ATP2C2: variants seen among roughly 807,000 people sequenced by gnomAD.
ATP2C2 encodes the protein ATPase secretory pathway Ca2+ transporting 2.
A neutral mutation model predicts 110.8 loss-of-function variants in ATP2C2; 171 were observed. That is an observed-to-expected ratio of 1.54 (90% confidence interval 1.36 to 1.75). ATP2C2 has a LOEUF of 1.75. Among genes scored for constraint, ATP2C2 ranks in the 40% most tolerant of loss-of-function variants. The pLI, the probability that ATP2C2 is intolerant of heterozygous loss-of-function variation, is 0.00. For missense variants in ATP2C2, 1,963 were observed against 1,235.0 expected (o/e 1.59, Z -8.84); for synonymous variants, 804 against 508.4 (o/e 1.58, Z -7.82).
chr16:84,430,625 G>A (rs1482603112), intron 11 of ATP2C2, among the ~76,000 whole-genome samples: 1 of 130,570 alleles, frequency 7.7e-6, no homozygotes, highest in African/African-American at 2.9e-5. Flanking sequence ...GGGCAGCAGA[G>A]TGAGACACCA....
rs569730457 is a variant in ATP2C2 at position 84,396,475 on chromosome 16, G to A, written c.100-2024G>A. Among the ~76,000 whole-genome samples, 281 of 150,476 alleles carry A rather than the reference G, an allele frequency of 1.9e-3. 5 individuals carry two copies. Among genetic ancestry groups the A allele is most frequent in the African/African-American group, 6.5e-3 (264 of 40,508 alleles). On this transcript the variant is annotated intron_variant, in intron 1 of 26. Transcript: ENST00000262429. ...TGAGGCAGGAGACTCGCTTGAACCC[G>A]GGAGGAGGAGGTTGTAGTGAGCCGA...
chr16:84,371,058 C>T (rs1367551798), intron 1 of ATP2C2, among the ~76,000 whole-genome samples: 1 of 152,158 alleles, frequency 6.6e-6, no homozygotes, highest in Non-Finnish European at 1.5e-5. Flanking sequence ...CAATGGTCAG[C>T]TGAGAAACTG....
intron 4 of ATP2C2, among the ~76,000 whole-genome samples, chr16:84,409,646 C>G (rs1482062467): frequency 6.6e-6 from 1 of 152,074 alleles, no homozygotes; most frequent in African/African-American, 2.4e-5. Flanking sequence ...GTGCCCGCCA[C>G]CACTCCTGGT....
At chr16:84,400,390 G>C (rs1356198578) in intron 2 of ATP2C2, among the ~76,000 whole-genome samples, 1 of 150,500 alleles carries the variant, frequency 6.6e-6, no homozygotes, top group Non-Finnish European at 1.5e-5. Flanking sequence ...GCGGTGGCGC[G>C]ATCTCTGCTC....
intron 11 of ATP2C2, among the ~76,000 whole-genome samples, chr16:84,433,514 A>G (rs1217165031): frequency 1.3e-5 from 2 of 152,070 alleles, no homozygotes; most frequent in Non-Finnish European, 2.9e-5. Flanking sequence ...TTAGCCGGGC[A>G]TGGTGGCGTA....
intron 7 of ATP2C2, among the ~76,000 whole-genome samples, chr16:84,418,054 C>T (rs892405843): frequency 5.9e-5 from 9 of 152,150 alleles, no homozygotes; most frequent in African/African-American, 2.2e-4. Context: ...AGAGGAAGCC[C>T]TCAGTCAGAG....
At chr16:84,390,327 C>G (rs1159513346) in intron 1 of ATP2C2, among the ~76,000 whole-genome samples, 1 of 152,216 alleles carries the variant, frequency 6.6e-6, no homozygotes, top group Admixed American at 6.5e-5. Flanking sequence ...TCCAACTCAC[C>G]TTTCAGCAAG....
intron 1 of ATP2C2, among the ~76,000 whole-genome samples, chr16:84,386,918 GT>G (rs1268730970): frequency 7.5e-6 from 1 of 132,978 alleles, no homozygotes; most frequent in East Asian, 2.2e-4. Flanking sequence ...TTGTTTGTTT[GT>G]TTGTTTTGGT....
intron 3 of ATP2C2, chr16:84,407,251 G>T (rs1393497472): frequency 6.6e-6 from 1 of 152,184 alleles, no homozygotes; most frequent in Non-Finnish European, 1.5e-5. Context: ...TCACCATTAG[G>T]AATTCTACCT....
At chr16:84,427,507 A>C (rs1277739299) in intron 11 of ATP2C2, among the ~76,000 whole-genome samples, 3 of 152,168 alleles carry the variant, frequency 2.0e-5, no homozygotes, top group Non-Finnish European at 2.9e-5. Flanking sequence ...ACCTAAGGTC[A>C]GGAGTTCTAG....
intron 2 of ATP2C2, among the ~76,000 whole-genome samples, chr16:84,402,495 T>A (rs535970408): frequency 1.3e-5 from 2 of 152,194 alleles, no homozygotes; most frequent in East Asian, 1.9e-4. Flanking sequence ...CTAGTTTTTT[T>A]AGGGTTTTTA....
intron 6 of ATP2C2, 154 bp downstream of exon 6, chr16:84,410,919 A>G: frequency 2.8e-6 from 2 of 720,064 alleles, no homozygotes; most frequent in South Asian, 3.4e-5. Context: ...TCCGCCTGCC[A>G]ATAGGTCGCT....
chr16:84,432,908 T>C (rs936685367), intron 11 of ATP2C2, among the ~76,000 whole-genome samples: 10 of 152,108 alleles, frequency 6.6e-5, no homozygotes, highest in African/African-American at 1.9e-4. Flanking sequence ...GATTCGACAC[T>C]GTCCCCTGAG....
intron 21 of ATP2C2, among the ~76,000 whole-genome samples, chr16:84,455,541 A>T (rs1161142769): frequency 6.8e-6 from 1 of 146,828 alleles, no homozygotes; most frequent in Non-Finnish European, 1.5e-5. Context: ...ACTTTTCTGT[A>T]TTTTTTTCTT....
chr16:84,405,442 C>A (rs1905679394), intron 3 of ATP2C2, among the ~76,000 whole-genome samples, 198 bp downstream of exon 3: 1 of 152,148 alleles, frequency 6.6e-6, no homozygotes, highest in African/African-American at 2.4e-5. Context: ...ACAGTGATCA[C>A]TTTCGTAGAC....
intron 14 of ATP2C2, 141 bp downstream of exon 14, chr16:84,441,099 T>C: frequency 6.8e-6 from 5 of 732,030 alleles, no homozygotes; most frequent in Non-Finnish European, 9.2e-6. Flanking sequence ...GGCACAGCAC[T>C]GAAAAAATGG....
intron 18 of ATP2C2, among the ~76,000 whole-genome samples, chr16:84,452,449 C>T (rs1034778468): frequency 6.6e-6 from 1 of 151,460 alleles, no homozygotes; most frequent in South Asian, 2.1e-4. Flanking sequence ...CACTCTGACC[C>T]TCAGTCTCTT....
At chr16:84,453,278 G>A (rs767488292) in intron 19 of ATP2C2, 43 bp downstream of exon 19, 1 of 1,614,134 alleles carries the variant, frequency 6.2e-7, no homozygotes, top group Non-Finnish European at 8.5e-7. Context: ...CTGGGTCACA[G>A]CTTTGAAATC....
intron 23 of ATP2C2, chr16:84,460,311 G>A (rs1911163246): frequency 2.7e-6 from 1 of 368,886 alleles, no homozygotes; most frequent in Non-Finnish European, 5.2e-6. Context: ...CTCTGCGGAG[G>A]GCGGAGCCTG....
Sources: gnomAD v4.1 joint callset for allele counts (sites outside exome capture counted in the v4.1 genomes callset) on GRCh38, gnomAD v4.1.1 for gene constraint, MANE v1.5 for transcripts, NCBI Gene and HGNC (gene_info 2026-07-23, HGNC 2026-07-21) for gene names.